CHSY3: variants seen among roughly 807,000 people sequenced by gnomAD.
CHSY3 encodes N-acetylgalactosaminyl-proteoglycan 3-beta-glucuronosyltransferase 3.
A neutral mutation model predicts 67.2 loss-of-function variants in CHSY3; 35 were observed. The observed-to-expected ratio is 0.52, with a 90% CI of 0.40 to 0.69. CHSY3 has a LOEUF of 0.69. Ranked by LOEUF, CHSY3 falls within the 30% of genes least tolerant of loss-of-function variation. CHSY3 has a pLI of 0.00. For synonymous variants in CHSY3, 474 were observed against 434.7 expected (o/e 1.09, Z -1.12); for missense variants, 1,069 against 1,138.5 (o/e 0.94, Z 0.88).
chr5:129,966,037 T>C (rs919093765), intron 2 of CHSY3, among the ~76,000 whole-genome samples: 1 of 151,934 alleles, frequency 6.6e-6, no homozygotes, highest in African/African-American at 2.4e-5. Context: ...AGCTCCATCC[T>C]AACTTTTCTG....
chr5:130,038,417 G>C (rs567300123), intron 2 of CHSY3, among the ~76,000 whole-genome samples: 2 of 152,208 alleles, frequency 1.3e-5, no homozygotes, highest in African/African-American at 4.8e-5. Context: ...ATTGTTGGTT[G>C]TAGTTATGAC....
chr5:130,088,949 A>G (rs1766771702), intron 2 of CHSY3, among the ~76,000 whole-genome samples: 1 of 152,014 alleles, frequency 6.6e-6, no homozygotes, highest in Non-Finnish European at 1.5e-5. Context: ...ACTATTCACA[A>G]TAGCAAAGAC....
rs945152919 is a variant in CHSY3, at chr5:129,955,155, C to G, written c.1086+46795C>G. 6.7e-4 allele frequency among the ~76,000 whole-genome samples: 102 copies of G among 152,346 alleles called. 1 individual carries two copies. Among genetic ancestry groups the G allele is most frequent in the Non-Finnish European group, 1.3e-3 (86 of 68,040 alleles). Reference sequence around the variant, plus strand: ...GTGTTGGGATTACAGGCGTGAGCCACTGCGCCTGGCCCATTTTTTTTAAAT... The same window carrying G: ...GTGTTGGGATTACAGGCGTGAGCCAGTGCGCCTGGCCCATTTTTTTTAAAT... On this transcript the variant is annotated intron_variant, in intron 2 of 2. Transcript: ENST00000305031.
chr5:130,012,805 A>G (rs1368928762), intron 2 of CHSY3, among the ~76,000 whole-genome samples: 3 of 151,990 alleles, frequency 2.0e-5, no homozygotes, highest in African/African-American at 7.3e-5. Context: ...GCCCCTCACA[A>G]ATCTCATGTC....
At chr5:129,915,415 A>T (rs1760701049) in intron 2 of CHSY3, among the ~76,000 whole-genome samples, 1 of 152,210 alleles carries the variant, frequency 6.6e-6, no homozygotes, top group South Asian at 2.1e-4. Flanking sequence ...GTGTTTAAAG[A>T]TACTCTGTCT....
intron 2 of CHSY3, among the ~76,000 whole-genome samples, chr5:129,969,984 T>C (rs1485651989): frequency 1.3e-5 from 2 of 151,788 alleles, no homozygotes; most frequent in Admixed American, 1.3e-4. Flanking sequence ...TCCAGGCTAT[T>C]TCCTGAACTG....
At position 130,184,673 on chromosome 5, in the gene CHSY3, A is replaced by G; in HGVS notation, c.1531A>G (p.Lys511Glu). Residue 511 changes from lysine to glutamate, a missense_variant, in exon 3 of 3, where the codon AAG (lysine) becomes GAG (glutamate). Lys to Glu is a moderately conservative substitution (Grantham distance 56). Transcript: ENST00000305031. ...GATGGAGATGATCAATGAGAATGCC[A>G]AGAGCAGAGGACGGCTCATTGACTT... Reference protein sequence around the residue: ...QVMEMINENAKSRGRLIDFKE... With the variant: ...QVMEMINENAESRGRLIDFKE... 1 of 1,607,020 alleles carries G rather than the reference A, an allele frequency of 6.2e-7. No individual in the cohort carries two copies. The highest frequency in any genetic ancestry group is 8.5e-7 in the Non-Finnish European group (1 of 1,173,520).
At chr5:130,074,799 A>G (rs10043751) in intron 2 of CHSY3, among the ~76,000 whole-genome samples, 3,185 of 152,274 alleles carry the variant, frequency 0.021, 116 homozygotes, top group African/African-American at 0.073. Flanking sequence ...GTTGAATGCA[A>G]TTGGAAACCT....
chr5:129,962,608 A>G (rs116640054), intron 2 of CHSY3, among the ~76,000 whole-genome samples: 4 of 152,142 alleles, frequency 2.6e-5, no homozygotes, highest in Non-Finnish European at 5.9e-5. Context: ...GAGATCCTGC[A>G]TGGTCTGACA....
intron 2 of CHSY3, among the ~76,000 whole-genome samples, chr5:130,048,764 T>C (rs1048915430): frequency 1.3e-5 from 2 of 151,946 alleles, no homozygotes; most frequent in African/African-American, 4.8e-5. Flanking sequence ...TTCCAACTTG[T>C]GAGTGAGATG....
At chr5:129,927,485 C>A (rs1761155863) in intron 2 of CHSY3, among the ~76,000 whole-genome samples, 1 of 151,766 alleles carries the variant, frequency 6.6e-6, no homozygotes, top group African/African-American at 2.4e-5. Context: ...TTGAATTACA[C>A]CAAATATCCA....
At chr5:130,083,643 T>TA (rs1766513048) in intron 2 of CHSY3, among the ~76,000 whole-genome samples, 1 of 152,068 alleles carries the variant, frequency 6.6e-6, no homozygotes, top group East Asian at 1.9e-4. Context: ...ATAAGGGGTT[T>TA]AGTTCCTTAT....
chr5:130,027,681 C>T (rs942859198), intron 2 of CHSY3, among the ~76,000 whole-genome samples: 1 of 149,120 alleles, frequency 6.7e-6, no homozygotes, highest in Non-Finnish European at 1.5e-5. Context: ...TCCAAGTGTT[C>T]TCATTGTTCA....
rs573820533 is a variant in CHSY3, at chr5:129,935,772, G to A, written c.1086+27412G>A. 6.6e-5 allele frequency among the ~76,000 whole-genome samples: 10 copies of A among 152,244 alleles called. No individual in the cohort carries two copies. The South Asian group carries it at 2.1e-3, about 32-fold the overall frequency. Reference sequence around the variant, plus strand: ...TACAGCTCTCAAGCTCTAAACTGAAGCTGCCACATGTCAAGTGTTGACTTG... The same window carrying A: ...TACAGCTCTCAAGCTCTAAACTGAAACTGCCACATGTCAAGTGTTGACTTG... On this transcript the variant is annotated intron_variant, in intron 2 of 2. Coordinates refer to ENST00000305031, the MANE Select transcript of CHSY3 (RefSeq NM_175856.5).
chr5:129,936,546 GC>G (rs1761499200), intron 2 of CHSY3, among the ~76,000 whole-genome samples: 1 of 152,142 alleles, frequency 6.6e-6, no homozygotes, highest in Non-Finnish European at 1.5e-5. Context: ...CAGGGAAGGA[GC>G]CTGCACTATA....
chr5:130,033,708 C>T (rs1048640481), intron 2 of CHSY3, among the ~76,000 whole-genome samples: 1 of 152,016 alleles, frequency 6.6e-6, no homozygotes, highest in African/African-American at 2.4e-5. Flanking sequence ...AGTTTTTGTG[C>T]CTAGGCTGCC....
At chr5:130,015,555 CAGAATGCCTATTATT>C (rs1342259121) in intron 2 of CHSY3, among the ~76,000 whole-genome samples, 8 of 152,216 alleles carry the variant, frequency 5.3e-5, no homozygotes, top group African/African-American at 1.4e-4. Flanking sequence ...TGACATGAGT[CAGAATGCCTATTATT>C]AAAAAGCCAA....
At chr5:130,140,605 G>C (rs759224768) in intron 2 of CHSY3, 27 of 440,452 alleles carry the variant, frequency 6.1e-5, no homozygotes, top group Non-Finnish European at 9.2e-5. Flanking sequence ...GAAACATGCT[G>C]ATCTTTGACC....
At chr5:130,022,963 G>A (rs1764436352) in intron 2 of CHSY3, among the ~76,000 whole-genome samples, 1 of 151,914 alleles carries the variant, frequency 6.6e-6, no homozygotes, top group South Asian at 2.1e-4. Flanking sequence ...TATATCTGGG[G>A]AAGGGGTAAA....
Sources: gnomAD v4.1 joint callset for allele counts (sites outside exome capture counted in the v4.1 genomes callset) on GRCh38, gnomAD v4.1.1 for gene constraint, MANE v1.5 for transcripts, NCBI Gene and HGNC (gene_info 2026-07-23, HGNC 2026-07-21) for gene names.